Variants in EPHA5 observed in about 807,000 individuals in gnomAD.
The protein encoded by EPHA5 is EPH receptor A5.
In EPHA5, 60 loss-of-function variants were observed where a neutral mutation model predicts 105.0. That is an observed-to-expected ratio of 0.57 (90% CI 0.46 to 0.71). EPHA5 has a LOEUF of 0.71. Ranked by LOEUF, EPHA5 falls within the 30% of genes least tolerant of loss-of-function variation. The pLI, the probability that EPHA5 is intolerant of heterozygous loss-of-function variation, is 0.00. For synonymous variants in EPHA5, 513 were observed against 449.1 expected (o/e 1.14, Z -1.80); for missense variants, 1,218 against 1,274.7 (o/e 0.96, Z 0.68).
At chr4:65,331,896 T>C (rs1360988150) in intron 16 of EPHA5, 77 bp downstream of exon 16, 2 of 1,524,460 alleles carry the variant, frequency 1.3e-6, no homozygotes, top group Admixed American at 2.1e-5. Context: ...TGATTTCCCT[T>C]ACCTCATCCA....
chr4:65,543,057 T>C (rs1053959643), intron 3 of EPHA5, among the ~76,000 whole-genome samples: 2 of 152,052 alleles, frequency 1.3e-5, no homozygotes, highest in Non-Finnish European at 2.9e-5. Context: ...AACTACGTAT[T>C]GATGGAACAT....
chr4:65,553,269 G>A (rs1738093158), intron 3 of EPHA5, among the ~76,000 whole-genome samples: 1 of 152,022 alleles, frequency 6.6e-6, no homozygotes. Context: ...TTGGATCATT[G>A]TGTCATCTAA....
chr4:65,663,656 T>C (rs1040452406), intron 1 of EPHA5, among the ~76,000 whole-genome samples: 2 of 152,028 alleles, frequency 1.3e-5, no homozygotes, highest in African/African-American at 4.8e-5. Context: ...ATCTGATTCT[T>C]GAAATTAATT....
At chr4:65,620,520 C>A (rs1745624498) in intron 2 of EPHA5, among the ~76,000 whole-genome samples, 1 of 152,152 alleles carries the variant, frequency 6.6e-6, no homozygotes, top group African/African-American at 2.4e-5. Flanking sequence ...TATACATATA[C>A]ATATTCACAT....
intron 3 of EPHA5, among the ~76,000 whole-genome samples, chr4:65,502,941 G>C (rs751453649): frequency 5.3e-5 from 8 of 151,720 alleles, no homozygotes; most frequent in Non-Finnish European, 7.4e-5. Flanking sequence ...CATAAAAAAA[G>C]AACAAAATCA....
At chr4:65,505,848 T>C (rs1279305013) in intron 3 of EPHA5, among the ~76,000 whole-genome samples, 1 of 152,064 alleles carries the variant, frequency 6.6e-6, no homozygotes, top group African/African-American at 2.4e-5. Flanking sequence ...TCCTTTTATT[T>C]ATTTATTTTC....
chr4:65,633,559 AT>A (rs911559209), intron 2 of EPHA5, among the ~76,000 whole-genome samples: 2 of 151,420 alleles, frequency 1.3e-5, no homozygotes, highest in South Asian at 2.1e-4. Flanking sequence ...ATGTCAGGAG[AT>A]TTTTTTTTCA....
intron 3 of EPHA5, among the ~76,000 whole-genome samples, chr4:65,503,881 C>A (rs1380075558): frequency 6.8e-6 from 1 of 146,718 alleles, no homozygotes; most frequent in African/African-American, 2.5e-5. Context: ...TCATTCAAGA[C>A]AATTTTAATA....
intron 11 of EPHA5, among the ~76,000 whole-genome samples, chr4:65,357,006 G>A (rs940360154): frequency 9.2e-5 from 14 of 151,406 alleles, no homozygotes; most frequent in African/African-American, 3.1e-4. Flanking sequence ...CATAAAGCAT[G>A]TCAAAACATG....
chr4:65,404,510 G>C, intron 7 of EPHA5, 31 bp from the exon 8 acceptor site: 1 of 1,595,830 alleles, frequency 6.3e-7, no homozygotes, highest in African/African-American at 1.3e-5. Flanking sequence ...TGGAGCTTGT[G>C]GTTAAAGTGA....
chr4:65,417,036 T>C (rs1439025199), intron 6 of EPHA5, among the ~76,000 whole-genome samples: 1 of 152,206 alleles, frequency 6.6e-6, no homozygotes, highest in Non-Finnish European at 1.5e-5. Context: ...CCCAGCTGCT[T>C]AGCAAACACT....
At chr4:65,518,190 C>A (rs1202815301) in intron 3 of EPHA5, among the ~76,000 whole-genome samples, 1 of 151,708 alleles carries the variant, frequency 6.6e-6, no homozygotes, top group Non-Finnish European at 1.5e-5. Flanking sequence ...ATATAAATGC[C>A]ATTTATTATT....
chr4:65,381,667 G>A (rs906297792), intron 8 of EPHA5, among the ~76,000 whole-genome samples: 5 of 151,820 alleles, frequency 3.3e-5, no homozygotes, highest in Admixed American at 1.3e-4. Flanking sequence ...AAACTGCATA[G>A]TACTAAATGT....
intron 8 of EPHA5, among the ~76,000 whole-genome samples, chr4:65,403,068 G>C (rs545919268): frequency 6.6e-6 from 1 of 152,214 alleles, no homozygotes; most frequent in East Asian, 1.9e-4. Flanking sequence ...AACATTAAAA[G>C]TAAGCAATGA....
intron 8 of EPHA5, among the ~76,000 whole-genome samples, chr4:65,403,051 C>T (rs934409518): frequency 6.6e-6 from 1 of 151,996 alleles, no homozygotes; most frequent in African/African-American, 2.4e-5. Context: ...CGCGTAAATG[C>T]TAATCTAACA....
intron 3 of EPHA5, among the ~76,000 whole-genome samples, chr4:65,587,426 A>T (rs897394530): frequency 4.6e-5 from 7 of 152,142 alleles, no homozygotes; most frequent in Non-Finnish European, 1.0e-4. Flanking sequence ...TTTTAAAAAA[A>T]TCCTGTACTA....
chr4:65,625,269 A>G (rs559685078), intron 2 of EPHA5, among the ~76,000 whole-genome samples: 1 of 152,320 alleles, frequency 6.6e-6, no homozygotes. Context: ...GAAAAGAATT[A>G]CTGTGCCTCA....
intron 16 of EPHA5, among the ~76,000 whole-genome samples, chr4:65,326,899 A>G (rs985169791): frequency 6.6e-6 from 1 of 151,232 alleles, no homozygotes; most frequent in African/African-American, 2.4e-5. Flanking sequence ...GAAAGAATTT[A>G]TAAGTTCTCT....
At chr4:65,425,386 T>C (rs1251311836) in intron 5 of EPHA5, among the ~76,000 whole-genome samples, 1 of 152,060 alleles carries the variant, frequency 6.6e-6, no homozygotes, top group African/African-American at 2.4e-5. Flanking sequence ...GTACTTCTTA[T>C]TAATGAAGCA....
Sources: gnomAD v4.1 joint callset for allele counts (sites outside exome capture counted in the v4.1 genomes callset) on GRCh38, gnomAD v4.1.1 for gene constraint, MANE v1.5 for transcripts, NCBI Gene and HGNC (gene_info 2026-07-23, HGNC 2026-07-21) for gene names.